ERBB4: variants seen among roughly 807,000 people sequenced by gnomAD.
ERBB4 encodes the protein erb-b2 receptor tyrosine kinase 4.
In ERBB4, 42 loss-of-function variants were observed where a neutral mutation model predicts 158.0. The ratio of observed to expected loss-of-function variants is 0.27; its 90% CI spans 0.21 to 0.34. ERBB4 has a LOEUF of 0.34. ERBB4 is among the 10% of genes least tolerant of loss of function. The pLI, the probability that ERBB4 is intolerant of heterozygous loss-of-function variation, is 1.00. For synonymous variants in ERBB4, 583 were observed against 558.7 expected, an observed-to-expected ratio of 1.04 and a Z score of -0.61; for missense variants, 1,333 against 1,624.1, an observed-to-expected ratio of 0.82 and a Z score of 3.08.
chr2:211,415,776 G>T (rs1209095814), intron 25 of ERBB4, among the ~76,000 whole-genome samples: 1 of 152,160 alleles, frequency 6.6e-6, no homozygotes, highest in African/African-American at 2.4e-5. Flanking sequence ...AAATTTTTGA[G>T]ATACCAAACT....
intron 2 of ERBB4, among the ~76,000 whole-genome samples, chr2:212,017,320 T>C (rs1010990488): frequency 6.6e-6 from 1 of 152,132 alleles, no homozygotes; most frequent in African/African-American, 2.4e-5. Flanking sequence ...ACTTCTCATT[T>C]TGTGCAAGTG....
intron 20 of ERBB4, among the ~76,000 whole-genome samples, chr2:211,499,833 T>C (rs2065572190): frequency 6.6e-6 from 1 of 152,128 alleles, no homozygotes; most frequent in South Asian, 2.1e-4. Flanking sequence ...AGTTATAAAC[T>C]TGGTTTTGAG....
At chr2:211,867,686 C>A (rs1057500649) in intron 3 of ERBB4, among the ~76,000 whole-genome samples, 1 of 152,158 alleles carries the variant, frequency 6.6e-6, no homozygotes, top group Non-Finnish European at 1.5e-5. Context: ...CCTCAACCTC[C>A]TGAGTAGCTG....
chr2:211,939,338 T>C (rs1402573761), intron 3 of ERBB4, among the ~76,000 whole-genome samples: 1 of 151,986 alleles, frequency 6.6e-6, no homozygotes, highest in Non-Finnish European at 1.5e-5. Context: ...AGATGTAAAA[T>C]TATAATAAAG....
rs201181943 is a variant in ERBB4 at position 211,590,715 on chromosome 2, G to A, written c.2301+28462C>T. On this transcript the variant is annotated intron_variant, in intron 19 of 27. Transcript: ENST00000342788. Reference sequence around the variant, plus strand: ...CGATAAAACTCTGGTTTCCCGCTCAGCTGGCTCTGCGTTAATTACTCTTTT... The same window carrying A: ...CGATAAAACTCTGGTTTCCCGCTCAACTGGCTCTGCGTTAATTACTCTTTT... Among the ~76,000 whole-genome samples the A allele has an allele frequency of 3.3e-5, 5 of 152,244 alleles. No homozygotes were observed. In the East Asian group the frequency reaches 9.7e-4, roughly 29 times the overall value.
At chr2:212,332,404 C>A (rs2088221333) in intron 1 of ERBB4, among the ~76,000 whole-genome samples, 1 of 152,006 alleles carries the variant, frequency 6.6e-6, no homozygotes, top group Non-Finnish European at 1.5e-5. Flanking sequence ...TCTTTAGCAG[C>A]AGCATGAAAA....
intron 14 of ERBB4, among the ~76,000 whole-genome samples, chr2:211,669,733 T>C (rs2071767559): frequency 6.6e-6 from 1 of 152,312 alleles, no homozygotes; most frequent in South Asian, 2.1e-4. Context: ...ATAGCTATCA[T>C]AGTCCCTGAA....
chr2:211,884,052 C>T (rs1031494437), intron 3 of ERBB4, among the ~76,000 whole-genome samples: 7 of 152,226 alleles, frequency 4.6e-5, no homozygotes, highest in African/African-American at 1.4e-4. Context: ...GTTCTGGCTT[C>T]TGAAACAGTA....
intron 14 of ERBB4, among the ~76,000 whole-genome samples, chr2:211,670,490 A>C (rs1024180526): frequency 1.3e-5 from 2 of 152,188 alleles, no homozygotes; most frequent in African/African-American, 4.8e-5. Context: ...AACTGCAAAA[A>C]CCCACAAATT....
At chr2:211,958,310 C>T (rs1223207367) in intron 2 of ERBB4, among the ~76,000 whole-genome samples, 1 of 152,016 alleles carries the variant, frequency 6.6e-6, no homozygotes, top group African/African-American at 2.4e-5. Context: ...ACAATCAGGA[C>T]TACAAATATA....
At position 211,626,282 on chromosome 2, in the gene ERBB4, G is replaced by A. The variant is rs16846611; in HGVS notation, c.2080-2238C>T. Among the ~76,000 whole-genome samples the A allele has an allele frequency of 8.2e-3, 1,252 of 152,212 alleles. 22 individuals are homozygous for A. Among genetic ancestry groups the A allele is most frequent in the African/African-American group, 0.029 (1,202 of 41,530 alleles). On this transcript the variant is annotated intron_variant, in intron 17 of 27. Transcript: ENST00000342788. Reference sequence around the variant, plus strand: ...TCTACCAAAGCATCAAGCTTACAGTGCATCTCAGTAAGCATGTGTGGAAAA... The same window carrying A: ...TCTACCAAAGCATCAAGCTTACAGTACATCTCAGTAAGCATGTGTGGAAAA...
At chr2:211,881,388 A>C (rs755207890) in intron 3 of ERBB4, among the ~76,000 whole-genome samples, 9 of 152,182 alleles carry the variant, frequency 5.9e-5, no homozygotes, top group Admixed American at 2.6e-4. Flanking sequence ...TGAAATACTG[A>C]GCCGCAAACA....
intron 3 of ERBB4, among the ~76,000 whole-genome samples, chr2:211,788,731 TAGAG>T (rs919980592): frequency 6.6e-6 from 1 of 152,140 alleles, no homozygotes; most frequent in African/African-American, 2.4e-5. Flanking sequence ...ATATTATCCT[TAGAG>T]AGATTGTTTC....
chr2:211,894,503 T>C (rs531454383), intron 3 of ERBB4, among the ~76,000 whole-genome samples: 51 of 151,254 alleles, frequency 3.4e-4, no homozygotes, highest in Non-Finnish European at 5.6e-4. Context: ...ATGGCACATG[T>C]ATACATATGT....
chr2:211,919,434 C>G lies in ERBB4; in HGVS notation c.421+27996G>C, dbSNP rs2079798203. Reference sequence around the variant, plus strand: ...TTACAGGGAGAAATCCAAAATCAAACTAGGAAAACAAATACAAAAATAGTA... The same window carrying G: ...TTACAGGGAGAAATCCAAAATCAAAGTAGGAAAACAAATACAAAAATAGTA... On this transcript the variant is annotated intron_variant, in intron 3 of 27. Coordinates refer to ENST00000342788, the MANE Select transcript of ERBB4 (RefSeq NM_005235.3). Among the ~76,000 whole-genome samples, 2 of 151,774 alleles carry G rather than the reference C, an allele frequency of 1.3e-5. 1 individual carries two copies. Among genetic ancestry groups the G allele is most frequent in the Admixed American group, 1.3e-4 (2 of 15,212 alleles).
chr2:211,518,230 C>G (rs1574655642), intron 20 of ERBB4, among the ~76,000 whole-genome samples: 1 of 151,914 alleles, frequency 6.6e-6, no homozygotes, highest in African/African-American at 2.4e-5. Context: ...CAGACTGATA[C>G]AAAAATTAAA....
At position 212,107,975 on chromosome 2, in the gene ERBB4, G is replaced by A. The variant is rs574891752; in HGVS notation, c.234+16777C>T. On this transcript the variant is annotated intron_variant, in intron 2 of 27. Transcript: ENST00000342788. ...TTTTCTTTTTAAATTACACAGTCTC[G>A]GGTTTGTCTTTATCAGCAGTGTGAA... Among the ~76,000 whole-genome samples the A allele has an allele frequency of 2.7e-4, 41 of 152,006 alleles. 1 individual carries two copies. Among genetic ancestry groups the A allele is most frequent in the South Asian group, 6.2e-4 (3 of 4,804 alleles).
intron 1 of ERBB4, among the ~76,000 whole-genome samples, chr2:212,263,983 T>G (rs1225339968): frequency 6.6e-6 from 1 of 152,136 alleles, no homozygotes; most frequent in African/African-American, 2.4e-5. Flanking sequence ...GCTCCTATAT[T>G]GCTGTGGTCA....
chr2:211,683,002 T>C (rs975120843), intron 12 of ERBB4, among the ~76,000 whole-genome samples: 1 of 151,806 alleles, frequency 6.6e-6, no homozygotes, highest in African/African-American at 2.4e-5. Context: ...TAAAATGATT[T>C]TATTTTATTT....
Sources: allele counts gnomAD v4.1 joint callset (sites outside exome capture counted in the v4.1 genomes callset), GRCh38; gene constraint gnomAD v4.1.1; transcripts MANE v1.5; gene names NCBI Gene and HGNC (gene_info 2026-07-23, HGNC 2026-07-21).